PLXDC2: variants seen among roughly 807,000 people sequenced by gnomAD.
PLXDC2 encodes plexin domain-containing protein 2.
Under a neutral mutation model 68.9 loss-of-function variants are expected in PLXDC2, and 40 were observed. The ratio of observed to expected loss-of-function variants is 0.58; its 90% confidence interval spans 0.45 to 0.76. The LOEUF (loss-of-function observed/expected upper bound fraction) is 0.76, where lower values mean the gene tolerates loss of function less well. Among genes scored for constraint, PLXDC2 ranks in the 30% least tolerant of loss-of-function variants. The pLI is 0.00. For missense variants in PLXDC2, 644 were observed against 661.9 expected, an observed-to-expected ratio of 0.97 and a Z score of 0.30; for synonymous variants, 243 against 234.2, an observed-to-expected ratio of 1.04 and a Z score of -0.34.
chr10:20,205,450 C>T (rs1448075552), intron 9 of PLXDC2, among the ~76,000 whole-genome samples: 1 of 151,962 alleles, frequency 6.6e-6, no homozygotes, highest in Non-Finnish European at 1.5e-5. Context: ...AATTTCTGTC[C>T]ATTTTGAATA....
intron 9 of PLXDC2, among the ~76,000 whole-genome samples, chr10:20,201,092 C>T (rs1031436380): frequency 6.6e-6 from 1 of 152,122 alleles, no homozygotes; most frequent in South Asian, 2.1e-4. Context: ...TTTACTGCAG[C>T]ACTGTTCACA....
chr10:19,916,827 A>G (rs2131377914), intron 1 of PLXDC2, among the ~76,000 whole-genome samples: 1 of 152,306 alleles, frequency 6.6e-6, no homozygotes, highest in East Asian at 1.9e-4. Context: ...TCTGTAATTT[A>G]AATAATCATG....
intron 1 of PLXDC2, among the ~76,000 whole-genome samples, chr10:19,908,442 G>A (rs1589530666): frequency 6.6e-6 from 1 of 150,686 alleles, no homozygotes; most frequent in Admixed American, 6.6e-5. Flanking sequence ...AAAAGATAAT[G>A]TACTGCTGAA....
intron 1 of PLXDC2, among the ~76,000 whole-genome samples, chr10:19,939,316 T>C (rs955482668): frequency 8.5e-5 from 13 of 152,154 alleles, no homozygotes; most frequent in African/African-American, 2.9e-4. Context: ...GGCTACAGAT[T>C]GAGTTGGGGG....
chr10:19,944,797 A>G (rs527247124), intron 1 of PLXDC2, among the ~76,000 whole-genome samples: 1 of 152,198 alleles, frequency 6.6e-6, no homozygotes, highest in South Asian at 2.1e-4. Context: ...CTAAAAATAC[A>G]AAAAAATAGC....
At chr10:20,227,420 G>A (rs547318408) in intron 12 of PLXDC2, among the ~76,000 whole-genome samples, 1 of 152,318 alleles carries the variant, frequency 6.6e-6, no homozygotes, top group South Asian at 2.1e-4. Flanking sequence ...GATTTCTGAG[G>A]AAAGGGAGAG....
At chr10:20,272,472 A>T (rs1385663314) in intron 13 of PLXDC2, among the ~76,000 whole-genome samples, 1 of 152,164 alleles carries the variant, frequency 6.6e-6, no homozygotes, top group East Asian at 1.9e-4. Flanking sequence ...CAAGAAAGAG[A>T]GCTTGTCACC....
chr10:19,980,634 A>G (rs1338088500), intron 1 of PLXDC2, among the ~76,000 whole-genome samples: 1 of 152,228 alleles, frequency 6.6e-6, no homozygotes, highest in Admixed American at 6.5e-5. Flanking sequence ...CTATGTGTAT[A>G]CACACATACG....
intron 3 of PLXDC2, among the ~76,000 whole-genome samples, chr10:20,048,315 T>C (rs1835833505): frequency 1.3e-5 from 2 of 152,074 alleles, no homozygotes; most frequent in Admixed American, 6.6e-5. Flanking sequence ...AGCACATGCT[T>C]TCTGCGTCTG....
At chr10:20,277,237 G>C (rs897478810) in intron 13 of PLXDC2, among the ~76,000 whole-genome samples, 3 of 135,254 alleles carry the variant, frequency 2.2e-5, no homozygotes, top group Non-Finnish European at 4.7e-5. Context: ...AAAAAAAAGA[G>C]TCCCATTCTT....
intron 1 of PLXDC2, among the ~76,000 whole-genome samples, chr10:19,973,757 C>G (rs1292074057): frequency 6.6e-6 from 1 of 152,142 alleles, no homozygotes; most frequent in Non-Finnish European, 1.5e-5. Flanking sequence ...CAAGAACAAC[C>G]ATTAATAAGC....
chr10:20,044,207 C>CTCTCTTTCTT (rs1564293827), intron 2 of PLXDC2, among the ~76,000 whole-genome samples: 20 of 90,002 alleles, frequency 2.2e-4, no homozygotes, highest in Non-Finnish European at 3.3e-4. Context: ...CTCTCTCTCT[C>CTCTCTTTCTT]TCTGTCTTTC....
chr10:19,856,085 ACT>A (rs1335372542), intron 1 of PLXDC2, among the ~76,000 whole-genome samples: 1 of 152,008 alleles, frequency 6.6e-6, no homozygotes, highest in Non-Finnish European at 1.5e-5. Flanking sequence ...ATAGAGTAAG[ACT>A]CTGTCTCCAA....
chr10:20,236,826 C>CGTGT (rs1318770681), intron 12 of PLXDC2, among the ~76,000 whole-genome samples: 26 of 152,290 alleles, frequency 1.7e-4, no homozygotes, highest in African/African-American at 6.3e-4. Flanking sequence ...TCTGCACATA[C>CGTGT]ACATGCCTAA....
intron 4 of PLXDC2, among the ~76,000 whole-genome samples, chr10:20,104,691 G>C (rs1384995643): frequency 3.9e-5 from 6 of 151,998 alleles, no homozygotes; most frequent in Non-Finnish European, 8.8e-5. Flanking sequence ...TGTTAAATGG[G>C]GGGAGAAAAC....
chr10:19,966,405 G>A (rs1180971219), intron 1 of PLXDC2, among the ~76,000 whole-genome samples: 1 of 148,548 alleles, frequency 6.7e-6, no homozygotes, highest in African/African-American at 2.5e-5. Flanking sequence ...AAATATATAT[G>A]TGCACATATA....
chr10:19,905,559 C>A (rs1486447563), intron 1 of PLXDC2, among the ~76,000 whole-genome samples: 1 of 151,872 alleles, frequency 6.6e-6, no homozygotes, highest in Non-Finnish European at 1.5e-5. Context: ...GGAAAGGTGG[C>A]AGGACTGGTG....
chr10:19,893,931 G>T (rs563659001), intron 1 of PLXDC2, among the ~76,000 whole-genome samples: 34 of 152,294 alleles, frequency 2.2e-4, no homozygotes, highest in South Asian at 4.1e-4. Context: ...CACCAGTTAG[G>T]GGGTCAACCA....
At chr10:20,260,843 C>G (rs1411936363) in intron 13 of PLXDC2, among the ~76,000 whole-genome samples, 1 of 152,172 alleles carries the variant, frequency 6.6e-6, no homozygotes, top group African/African-American at 2.4e-5. Flanking sequence ...TTCTCCACAC[C>G]CTTCCCAACA....
Sources: gnomAD v4.1 joint callset for allele counts (sites outside exome capture counted in the v4.1 genomes callset) on GRCh38, gnomAD v4.1.1 for gene constraint, MANE v1.5 for transcripts, NCBI Gene and HGNC (gene_info 2026-07-23, HGNC 2026-07-21) for gene names.